The following ATOSA variants were observed in gnomAD, a reference collection of about 807,000 sequenced individuals.
ATOSA encodes the protein atos homolog A, also known as atos homolog protein A.
chr15:52,616,421 C>T, the ATOSA span, among the ~76,000 whole-genome samples: 1 of 152,186 alleles, frequency 6.6e-6, no homozygotes, highest in African/African-American at 2.4e-5. Flanking sequence ...AGAGTGAACA[C>T]CGGCAGCCTT....
At chr15:52,669,258 G>A in the ATOSA span, among the ~76,000 whole-genome samples, 2 of 152,046 alleles carry the variant, frequency 1.3e-5, no homozygotes, top group Non-Finnish European at 2.9e-5. Flanking sequence ...AGCAAGCAAA[G>A]TAGGGTAACT....
the ATOSA span, chr15:52,611,859 T>C: frequency 2.4e-6 from 3 of 1,264,112 alleles, no homozygotes; most frequent in South Asian, 1.4e-5. Flanking sequence ...CATTGTAAAG[T>C]AGACATCTGT....
chr15:52,619,862 A>C, the ATOSA span, among the ~76,000 whole-genome samples: 1 of 149,768 alleles, frequency 6.7e-6, no homozygotes, highest in African/African-American at 2.4e-5. Flanking sequence ...GAAAAGAAAA[A>C]TAAATTATTT....
the ATOSA span, chr15:52,587,297 AATTT>A: frequency 3.4e-6 from 4 of 1,168,118 alleles, no homozygotes; most frequent in Non-Finnish European, 4.9e-6. Flanking sequence ...TAACTCATGT[AATTT>A]ATTAAAATTT....
chr15:52,616,986 A>C, the ATOSA span, among the ~76,000 whole-genome samples: 2 of 152,184 alleles, frequency 1.3e-5, no homozygotes, highest in Non-Finnish European at 2.9e-5. Flanking sequence ...AAGCACCTTG[A>C]CTAGTAACTA....
At chr15:52,668,929 G>A in the ATOSA span, among the ~76,000 whole-genome samples, 123 of 148,392 alleles carry the variant, frequency 8.3e-4, no homozygotes, top group African/African-American at 2.8e-3. Context: ...TTTTTGAGAC[G>A]GAGACTCACT....
chr15:52,656,274 T>A, the ATOSA span: 1 of 152,100 alleles, frequency 6.6e-6, no homozygotes, highest in Non-Finnish European at 1.5e-5. Flanking sequence ...ATTAAACCAG[T>A]TTTTATTAAA....
At chr15:52,658,001 A>G in the ATOSA span, 1 of 152,214 alleles carries the variant, frequency 6.6e-6, no homozygotes, top group Non-Finnish European at 1.5e-5. Flanking sequence ...AGTCAAAAAA[A>G]TTGTAAAGTC....
chr15:52,617,182 G>A, the ATOSA span, among the ~76,000 whole-genome samples: 2 of 152,180 alleles, frequency 1.3e-5, no homozygotes, highest in Non-Finnish European at 2.9e-5. Flanking sequence ...GGTCATAAGG[G>A]TGGTAACGCA....
the ATOSA span, chr15:52,593,527 C>A: frequency 2.0e-6 from 3 of 1,478,704 alleles, no homozygotes; most frequent in Non-Finnish European, 1.8e-6. Context: ...TTAAATTTGT[C>A]ATTAAGTTGG....
the ATOSA span, among the ~76,000 whole-genome samples, chr15:52,671,782 G>A: frequency 2.0e-5 from 3 of 151,816 alleles, no homozygotes; most frequent in East Asian, 5.8e-4. Context: ...ACACCAATGT[G>A]ATGACTGGGG....
chr15:52,679,454 C>G, the ATOSA span: 3 of 152,682 alleles, frequency 2.0e-5, no homozygotes, highest in African/African-American at 2.4e-5. Context: ...CGGCGGCCTC[C>G]GCGGCCCTGG....
chr15:52,634,973 C>T, the ATOSA span, among the ~76,000 whole-genome samples: 1 of 152,042 alleles, frequency 6.6e-6, no homozygotes, highest in Non-Finnish European at 1.5e-5. Context: ...ACCATGCTAA[C>T]ACTAATCAAA....
At chr15:52,658,419 C>T in the ATOSA span, 1 of 233,776 alleles carries the variant, frequency 4.3e-6, no homozygotes, top group South Asian at 1.8e-4. Context: ...GTTTTCAATG[C>T]AATTTCAGTT....
chr15:52,674,336 C>G, the ATOSA span, among the ~76,000 whole-genome samples: 88 of 152,178 alleles, frequency 5.8e-4, no homozygotes, highest in African/African-American at 2.1e-3. Context: ...CAGGCATGAG[C>G]CACCGCAACA....
the ATOSA span, chr15:52,605,373 A>T: frequency 1.2e-4 from 76 of 615,112 alleles, no homozygotes; most frequent in East Asian, 2.0e-3. Flanking sequence ...CTGGTGATAT[A>T]CAGGTGGGAT....
At chr15:52,620,305 G>C in the ATOSA span, among the ~76,000 whole-genome samples, 1 of 152,150 alleles carries the variant, frequency 6.6e-6, no homozygotes, top group African/African-American at 2.4e-5. Context: ...CTTGTTCTCA[G>C]GTTTTTTCCA....
chr15:52,609,253 C>T, the ATOSA span: 1 of 1,613,546 alleles, frequency 6.2e-7, no homozygotes, highest in Non-Finnish European at 8.5e-7. Context: ...TTTCCCATCA[C>T]TGATGTCTCC....
At chr15:52,685,331 G>T in the ATOSA span, among the ~76,000 whole-genome samples, 2 of 152,158 alleles carry the variant, frequency 1.3e-5, no homozygotes, top group Non-Finnish European at 2.9e-5. Context: ...AGACTTGAAT[G>T]CATCACAAAA....
Sources: allele counts gnomAD v4.1 joint callset (sites outside exome capture counted in the v4.1 genomes callset), GRCh38; gene constraint gnomAD v4.1.1; transcripts MANE v1.5; gene names NCBI Gene and HGNC (gene_info 2026-07-23, HGNC 2026-07-21).